Variants in ABCB4 observed in about 807,000 individuals in gnomAD.
ABCB4 encodes the protein phosphatidylcholine translocator ABCB4.
ABCB4 carries 76 observed loss-of-function variants against 145.7 expected under a neutral mutation model. That is an observed-to-expected ratio of 0.52 (90% CI 0.43 to 0.63). The LOEUF is 0.63. Ranked by LOEUF, ABCB4 falls within the 30% of genes least tolerant of loss-of-function variation. The probability of loss-of-function intolerance (pLI) is 0.00; values close to 1 mark genes in which losing one functional copy is unlikely to be tolerated. For missense variants in ABCB4, 1,234 were observed against 1,553.1 expected (o/e 0.79, Z 3.45); for synonymous variants, 517 against 566.8 (o/e 0.91, Z 1.25).
the ABCB4 span, among the ~76,000 whole-genome samples, chr7:87,372,293 A>C: frequency 6.6e-6 from 1 of 152,214 alleles, no homozygotes; most frequent in African/African-American, 2.4e-5. Flanking sequence ...ACTTGAAACA[A>C]ATTTTGGAAA....
At chr7:87,429,948 T>A (rs1183636247) in intron 15 of ABCB4, among the ~76,000 whole-genome samples, 7 of 151,676 alleles carry the variant, frequency 4.6e-5, no homozygotes, top group Admixed American at 4.6e-4. Context: ...TTTTTAAAAA[T>A]ATAATTAACA....
the ABCB4 span, chr7:87,375,595 T>G: frequency 6.7e-7 from 1 of 1,493,960 alleles, no homozygotes; most frequent in Non-Finnish European, 9.3e-7. Context: ...ACTTTCTGCC[T>G]GTACTCTTTT....
At chr7:87,368,202 C>T in the ABCB4 span, among the ~76,000 whole-genome samples, 881 of 152,298 alleles carry the variant, frequency 5.8e-3, 13 homozygotes, top group African/African-American at 0.02. Context: ...ATTTACATGG[C>T]GTACTTTCTC....
chr7:87,468,500 T>C (rs371358302), intron 3 of ABCB4, among the ~76,000 whole-genome samples: 1 of 151,894 alleles, frequency 6.6e-6, no homozygotes, highest in Non-Finnish European at 1.5e-5. Context: ...TTCCAATCAA[T>C]AGAAAAAGAG....
chr7:87,469,555 A>G (rs1169982344), intron 3 of ABCB4, among the ~76,000 whole-genome samples: 1 of 152,250 alleles, frequency 6.6e-6, no homozygotes, highest in African/African-American at 2.4e-5. Context: ...TGCAAAAATC[A>G]CAAGCATTCT....
chr7:87,378,172 C>T, the ABCB4 span, among the ~76,000 whole-genome samples: 12 of 151,744 alleles, frequency 7.9e-5, no homozygotes, highest in South Asian at 1.0e-3. Context: ...CATGAAACCC[C>T]GTCTCTACAA....
the ABCB4 span, among the ~76,000 whole-genome samples, chr7:87,380,648 A>T: frequency 2.6e-5 from 4 of 152,224 alleles, no homozygotes; most frequent in Admixed American, 2.0e-4. Context: ...TCAGGATAGC[A>T]TTGGAATTTT....
chr7:87,404,883 A>T (rs1228531939), intron 26 of ABCB4, among the ~76,000 whole-genome samples: 1 of 152,256 alleles, frequency 6.6e-6, no homozygotes, highest in East Asian at 1.9e-4. Flanking sequence ...GCTGGCAAAG[A>T]TTCAGAGAAA....
At chr7:87,454,625 A>T in intron 4 of ABCB4, 33 bp from the exon 5 acceptor site, 1 of 1,515,626 alleles carries the variant, frequency 6.6e-7, no homozygotes, top group Non-Finnish European at 9.1e-7. Context: ...ACATGTTAAA[A>T]GATCAAACTA....
intron 12 of ABCB4, among the ~76,000 whole-genome samples, chr7:87,440,986 G>A (rs950040665): frequency 1.3e-5 from 2 of 152,244 alleles, no homozygotes; most frequent in East Asian, 1.9e-4. Context: ...GTGACCGCCC[G>A]CCTTGGCCTC....
chr7:87,380,077 C>T, the ABCB4 span, among the ~76,000 whole-genome samples: 2 of 152,082 alleles, frequency 1.3e-5, no homozygotes, highest in Non-Finnish European at 2.9e-5. Context: ...TACCACTGCA[C>T]TCCCACCCAG....
chr7:87,419,919 A>C (rs1809297038), intron 19 of ABCB4, 79 bp downstream of exon 19: 1 of 1,460,292 alleles, frequency 6.8e-7, no homozygotes, highest in East Asian at 2.3e-5. Flanking sequence ...GCATATCGAC[A>C]TAACAATAAG....
At chr7:87,450,172 T>A (rs1200972911) in intron 7 of ABCB4, 80 bp from the exon 8 acceptor site, 4 of 1,574,432 alleles carry the variant, frequency 2.5e-6, no homozygotes, top group Non-Finnish European at 3.5e-6. Flanking sequence ...TTAACCTACT[T>A]TTTCTTCCCA....
chr7:87,396,612 A>T, the ABCB4 span, among the ~76,000 whole-genome samples: 1 of 151,258 alleles, frequency 6.6e-6, no homozygotes, highest in Non-Finnish European at 1.5e-5. Flanking sequence ...TGAGTGTGCC[A>T]GCCTCCCCTG....
Position 87,453,260 on chromosome 7 carries a change from T to G in ABCB4, c.345-125A>C, listed in dbSNP as rs1035175114. 34 of 871,502 alleles carry G rather than the reference T, an allele frequency of 3.9e-5. No homozygotes were observed. The African/African-American group carries it at 4.5e-4, about 12-fold the overall frequency. 54.0% of individuals were successfully genotyped at this position (871,502 alleles called of 1,614,324 possible). On this transcript the variant is annotated intron_variant, in intron 5 of 27. Coordinates refer to ENST00000649586, the MANE Select transcript of ABCB4 (RefSeq NM_000443.4). ...GTGCAGTGGCACCATCTCAGCTCAC[T>G]GCAACCTCCGCCTCCTGGATTCAAG...
At chr7:87,438,561 C>T (rs932848631) in intron 14 of ABCB4, among the ~76,000 whole-genome samples, 1 of 151,994 alleles carries the variant, frequency 6.6e-6, no homozygotes, top group African/African-American at 2.4e-5. Flanking sequence ...CCAGCCTGGG[C>T]AACATGGCAA....
At chr7:87,433,680 T>G (rs1414665594) in intron 14 of ABCB4, among the ~76,000 whole-genome samples, 5 of 149,800 alleles carry the variant, frequency 3.3e-5, no homozygotes, top group African/African-American at 9.8e-5. Context: ...TTGTTGTTTT[T>G]TTTTTTTTTT....
intron 14 of ABCB4, among the ~76,000 whole-genome samples, chr7:87,436,085 A>G (rs1810587306): frequency 6.6e-6 from 1 of 152,190 alleles, no homozygotes; most frequent in South Asian, 2.1e-4. Context: ...AGGAGAGACA[A>G]GTGGATTCCC....
chr7:87,369,516 G>A, the ABCB4 span: 1 of 1,419,108 alleles, frequency 7.0e-7, no homozygotes, highest in Non-Finnish European at 9.8e-7. Flanking sequence ...GTTTCATTAG[G>A]TCTTATGGTG....
Sources: gnomAD v4.1 joint callset for allele counts (sites outside exome capture counted in the v4.1 genomes callset) on GRCh38, gnomAD v4.1.1 for gene constraint, MANE v1.5 for transcripts, NCBI Gene and HGNC (gene_info 2026-07-23, HGNC 2026-07-21) for gene names.